The following BAZ1A variants were observed in gnomAD, a reference collection of about 807,000 sequenced individuals.
BAZ1A encodes bromodomain adjacent to zinc finger domain protein 1A.
Under a neutral mutation model 185.2 loss-of-function variants are expected in BAZ1A, and 50 were observed. That is an observed-to-expected ratio of 0.27 (90% CI 0.22 to 0.34). BAZ1A has a LOEUF of 0.34. Among genes scored for constraint, BAZ1A ranks in the 10% least tolerant of loss-of-function variants. The probability of loss-of-function intolerance (pLI) is 1.00; values close to 1 mark genes in which losing one functional copy is unlikely to be tolerated. For synonymous variants in BAZ1A, 571 were observed against 615.6 expected (o/e 0.93, Z 1.07); for missense variants, 1,356 against 1,839.9 (o/e 0.74, Z 4.81).
intron 4 of BAZ1A, among the ~76,000 whole-genome samples, chr14:34,814,121 TTA>T (rs1381667813): frequency 1.3e-5 from 2 of 151,710 alleles, no homozygotes; most frequent in African/African-American, 4.8e-5. Flanking sequence ...TAGCAGCAGT[TTA>T]AGAACAAGAA....
chr14:34,762,370 G>T, intron 23 of BAZ1A, 147 bp from the exon 24 acceptor site: 1 of 700,114 alleles, frequency 1.4e-6, no homozygotes, highest in Non-Finnish European at 2.3e-6. Flanking sequence ...TCCTTAAAGA[G>T]TCAGTAAGTT....
intron 3 of BAZ1A, among the ~76,000 whole-genome samples, chr14:34,850,036 A>G (rs1160111617): frequency 6.6e-6 from 1 of 152,094 alleles, no homozygotes; most frequent in East Asian, 1.9e-4. Flanking sequence ...TATGACAGTC[A>G]CTCAAATATC....
chr14:34,756,033 G>A (rs181279066), intron 25 of BAZ1A, among the ~76,000 whole-genome samples: 83 of 149,514 alleles, frequency 5.6e-4, no homozygotes, highest in African/African-American at 1.8e-3. Context: ...TAGAGTCAAG[G>A]TTTGACCATG....
At chr14:34,774,257 A>T in intron 19 of BAZ1A, 70 bp downstream of exon 19, 2 of 1,321,878 alleles carry the variant, frequency 1.5e-6, no homozygotes, top group Non-Finnish European at 2.1e-6. Context: ...TATGCCATAT[A>T]ATTAACAAAT....
At chr14:34,759,184 T>TTTTTTTTTTTTTTTTTTTTTTTTTTTG (rs1886410722) in intron 24 of BAZ1A, among the ~76,000 whole-genome samples, 2 of 108,028 alleles carry the variant, frequency 1.9e-5, no homozygotes, top group African/African-American at 3.9e-5. Flanking sequence ...TTTTTTTTTT[T>TTTTTTTTTTTTTTTTTTTTTTTTTTTG]TTTTTTTTTT....
At chr14:34,823,517 G>A (rs2042118040) in intron 4 of BAZ1A, among the ~76,000 whole-genome samples, 2 of 152,170 alleles carry the variant, frequency 1.3e-5, no homozygotes, top group South Asian at 4.1e-4. Flanking sequence ...AAAATTAGCT[G>A]GGCGTGGTGG....
rs528749969 is a variant in BAZ1A, at chr14:34,830,906, C to T, written c.393-4750G>A. Among the ~76,000 whole-genome samples, 4 of 151,848 alleles carry T rather than the reference C, an allele frequency of 2.6e-5. No homozygotes were observed. The South Asian group carries it at 8.4e-4, about 32-fold the overall frequency. On this transcript the variant is annotated intron_variant, in intron 3 of 26. Transcript: ENST00000360310. The stretch of plus-strand genomic sequence containing the variant: ...AAGAAGCTGGGACTACAGGCACAAT[C>T]CACCACGCCCAGCTAATATTTTGTA...
intron 3 of BAZ1A, among the ~76,000 whole-genome samples, chr14:34,848,320 C>A (rs930935502): frequency 3.9e-5 from 6 of 152,114 alleles, no homozygotes; most frequent in African/African-American, 1.2e-4. Flanking sequence ...TTAAAAATAA[C>A]TAAGGCCAGG....
intron 2 of BAZ1A, among the ~76,000 whole-genome samples, chr14:34,863,915 T>A (rs2042812285): frequency 6.6e-6 from 1 of 151,946 alleles, no homozygotes; most frequent in African/African-American, 2.4e-5. Flanking sequence ...TACAATCACC[T>A]AGGATCAAGC....
intron 4 of BAZ1A, among the ~76,000 whole-genome samples, chr14:34,815,127 G>A (rs1230938830): frequency 6.6e-6 from 1 of 152,104 alleles, no homozygotes; most frequent in Non-Finnish European, 1.5e-5. Flanking sequence ...GTTTATATGT[G>A]CAAACAATTA....
chr14:34,773,516 A>G (rs1489389933), intron 20 of BAZ1A, 56 bp downstream of exon 20: 21 of 1,474,468 alleles, frequency 1.4e-5, no homozygotes, highest in Non-Finnish European at 1.8e-5. Flanking sequence ...AAAAAAAAAA[A>G]AAACCTTAAA....
Position 34,801,074 on chromosome 14 carries a change from G to T in BAZ1A, c.961+20C>A. On this transcript the variant is annotated intron_variant, in intron 8 of 26. Transcript: ENST00000360310. The stretch of plus-strand genomic sequence containing the variant: ...CTTTCTTATTCCTAATTAGCTTTTG[G>T]AAACAATGTTAAAACTCACCCAGTG... The T allele has an allele frequency of 6.6e-7, 1 of 1,521,826 alleles. No homozygotes were observed. 94.3% of individuals were successfully genotyped at this position (1,521,826 alleles called of 1,614,324 possible).
intron 25 of BAZ1A, 108 bp downstream of exon 25, chr14:34,758,596 C>CAAA (rs879029679): frequency 4.3e-6 from 5 of 1,166,254 alleles, no homozygotes; most frequent in Admixed American, 2.7e-5. Context: ...ACAACAACAA[C>CAAA]AAAAAAAACT....
intron 6 of BAZ1A, among the ~76,000 whole-genome samples, chr14:34,806,689 T>C (rs944883142): frequency 2.0e-5 from 3 of 152,172 alleles, no homozygotes; most frequent in Non-Finnish European, 4.4e-5. Context: ...TTAATGGTTA[T>C]AGACAAAATA....
chr14:34,862,399 T>G, intron 2 of BAZ1A, 77 bp from the exon 3 acceptor site: 1 of 1,487,632 alleles, frequency 6.7e-7, no homozygotes, highest in East Asian at 2.3e-5. Context: ...ACTGATAGCA[T>G]TATCAGGTTA....
At chr14:34,798,142 G>A (rs929518996) in intron 9 of BAZ1A, among the ~76,000 whole-genome samples, 3 of 151,974 alleles carry the variant, frequency 2.0e-5, no homozygotes, top group Admixed American at 1.3e-4. Context: ...CACTGCTGAG[G>A]GGCGTGTCCG....
At chr14:34,796,317 C>T (rs757066504) in intron 9 of BAZ1A, among the ~76,000 whole-genome samples, 7 of 152,042 alleles carry the variant, frequency 4.6e-5, no homozygotes, top group Non-Finnish European at 8.8e-5. Flanking sequence ...ACTGCACTCC[C>T]GCCTGGGCAG....
At chr14:34,849,615 A>C (rs1419388924) in intron 3 of BAZ1A, among the ~76,000 whole-genome samples, 2 of 152,212 alleles carry the variant, frequency 1.3e-5, no homozygotes, top group Non-Finnish European at 2.9e-5. Context: ...TGGGTCACTC[A>C]TTATGATTAT....
chr14:34,778,769 T>C (rs944904805), intron 17 of BAZ1A, among the ~76,000 whole-genome samples: 1 of 152,266 alleles, frequency 6.6e-6, no homozygotes, highest in African/African-American at 2.4e-5. Context: ...TTGCCCTCTT[T>C]ATAAAAATCA....
Sources: allele counts gnomAD v4.1 joint callset (sites outside exome capture counted in the v4.1 genomes callset), GRCh38; gene constraint gnomAD v4.1.1; transcripts MANE v1.5; gene names NCBI Gene and HGNC (gene_info 2026-07-23, HGNC 2026-07-21).